NDC1: variants seen among roughly 807,000 people sequenced by gnomAD.
The protein encoded by NDC1 is NDC1 transmembrane nucleoporin.
A neutral mutation model predicts 89.8 loss-of-function variants in NDC1; 24 were observed. That is an observed-to-expected ratio of 0.27 (90% confidence interval 0.19 to 0.38). The LOEUF is 0.38. Among genes scored for constraint, NDC1 ranks in the 10% least tolerant of loss-of-function variants. NDC1 has a pLI of 1.00. For synonymous variants in NDC1, 296 were observed against 284.8 expected (o/e 1.04, Z -0.39); for missense variants, 728 against 797.6 (o/e 0.91, Z 1.05).
At chr1:53,792,080 C>A (rs1280163210) in intron 14 of NDC1, among the ~76,000 whole-genome samples, 1 of 151,804 alleles carries the variant, frequency 6.6e-6, no homozygotes, top group Non-Finnish European at 1.5e-5. Flanking sequence ...GTAGCTGGGA[C>A]CACAGGCGCC....
At chr1:53,822,062 T>C (rs1648685297) in intron 5 of NDC1, among the ~76,000 whole-genome samples, 1 of 152,214 alleles carries the variant, frequency 6.6e-6, no homozygotes, top group East Asian at 1.9e-4. Flanking sequence ...GAACAAAGAA[T>C]CTGATAAAGG....
chr1:53,774,865 T>C (rs1647148861), intron 16 of NDC1, among the ~76,000 whole-genome samples: 1 of 152,130 alleles, frequency 6.6e-6, no homozygotes, highest in East Asian at 1.9e-4. Flanking sequence ...TACTCGAGCC[T>C]GGGCAACAGC....
chr1:53,804,920 A>G (rs1171137887), intron 9 of NDC1, among the ~76,000 whole-genome samples: 1 of 152,102 alleles, frequency 6.6e-6, no homozygotes, highest in Non-Finnish European at 1.5e-5. Context: ...TATTTGCCAC[A>G]GTACATTTTA....
At chr1:53,783,672 C>T (rs1318878501) in intron 16 of NDC1, among the ~76,000 whole-genome samples, 1 of 152,130 alleles carries the variant, frequency 6.6e-6, no homozygotes, top group Non-Finnish European at 1.5e-5. Context: ...AGGAGGACTC[C>T]ACTCTCAATA....
intron 6 of NDC1, among the ~76,000 whole-genome samples, chr1:53,815,718 G>GA (rs541898910): frequency 1.3e-3 from 203 of 152,264 alleles, no homozygotes; most frequent in African/African-American, 4.5e-3. Context: ...GGCTCCTCCA[G>GA]AAAGTTCCTA....
chr1:53,807,641 T>C lies in NDC1; in HGVS notation c.891+15A>G. 3.8e-6 allele frequency: 6 copies of C among 1,586,628 alleles called. No individual in the cohort carries two copies. The highest frequency in any genetic ancestry group is 5.1e-6 in the Non-Finnish European group (6 of 1,171,928). The stretch of plus-strand genomic sequence containing the variant: ...AACACAAAAGTATTAAGAAAAAATA[T>C]TTTAAAAAACATACCTCTGTGGCAT... On this transcript the variant is annotated intron_variant, in intron 8 of 17. Transcript: ENST00000371429.
intron 14 of NDC1, among the ~76,000 whole-genome samples, chr1:53,790,315 A>G (rs1647449543): frequency 6.6e-6 from 1 of 151,150 alleles, no homozygotes; most frequent in Admixed American, 6.6e-5. Context: ...TAATGAGCTG[A>G]GATCACGCCA....
chr1:53,799,085 T>C (rs1052893024), intron 11 of NDC1, among the ~76,000 whole-genome samples: 1 of 152,242 alleles, frequency 6.6e-6, no homozygotes, highest in African/African-American at 2.4e-5. Context: ...GCTAATTTGA[T>C]GGAACTAGCC....
At position 53,772,360 on chromosome 1, in the gene NDC1, G is replaced by C. The variant is rs759826117; in HGVS notation, c.1930C>G (p.Arg644Gly). Residue 644 changes from arginine (R) to glycine (G), a missense_variant, in exon 17 of 18, where the codon CGA becomes GGA. Arg to Gly is a moderately radical substitution (Grantham distance 125). Coordinates refer to ENST00000371429, the MANE Select transcript of NDC1 (RefSeq NM_018087.5). ...TGTTCACCAAATGTAGTAGTTATTC[G>C]ATAGATGGCAGTTTTCAGTGATGCT... ...FRASLKTAIY[R>G]ITTTFGEHLN... 1.2e-6 allele frequency: 2 copies of C among 1,613,500 alleles called. No homozygotes were observed. Among genetic ancestry groups the C allele is most frequent in the Non-Finnish European group, 1.7e-6 (2 of 1,179,692 alleles).
Position 53,797,195 on chromosome 1 carries a change from T to G in NDC1, c.1223-51A>C, listed in dbSNP as rs368240514. 12 of 1,580,268 alleles carry G rather than the reference T, an allele frequency of 7.6e-6. No homozygotes were observed. In the African/African-American group the frequency reaches 1.6e-4, roughly 21 times the overall value. ...AAGAGGCAACCTGATCCAAGCAGGC[T>G]AGCAGCAACGCTTTCAAATTCTACA... On this transcript the variant is annotated intron_variant, in intron 11 of 17. Coordinates refer to ENST00000371429, the MANE Select transcript of NDC1 (RefSeq NM_018087.5).
rs748623582 is a variant in NDC1, at chr1:53,835,492, T to TA, written c.178+7_178+8insT. Reference sequence around the variant, plus strand: ...TATAACTTTCTCCCCAAGTTGAGTATCACCTACCAGACAGCCACTGTATAG... The same window carrying TA: ...TATAACTTTCTCCCCAAGTTGAGTATACACCTACCAGACAGCCACTGTATAG... On this transcript the variant is annotated splice_region_variant and intron_variant, in intron 2 of 17. Transcript: ENST00000371429. The TA allele has an allele frequency of 6.2e-7, 1 of 1,600,204 alleles. No homozygotes were observed. The highest frequency in any genetic ancestry group is 8.5e-7 in the Non-Finnish European group (1 of 1,175,856).
intron 9 of NDC1, among the ~76,000 whole-genome samples, chr1:53,805,940 A>G (rs1264115386): frequency 6.6e-6 from 1 of 152,150 alleles, no homozygotes; most frequent in African/African-American, 2.4e-5. Context: ...CGGGCGTGGT[A>G]GCGGGCGCCT....
chr1:53,817,210 T>C (rs1648512350), intron 6 of NDC1, among the ~76,000 whole-genome samples: 1 of 152,158 alleles, frequency 6.6e-6, no homozygotes, highest in Non-Finnish European at 1.5e-5. Flanking sequence ...AGCAGCACAA[T>C]TCACAATAGC....
In NDC1 at chr1:53,767,906, G is replaced by T. The variant is rs1231434892; in HGVS notation, c.*64C>A. On this transcript the variant is annotated 3_prime_UTR_variant, in exon 18 of 18. Coordinates refer to ENST00000371429, the MANE Select transcript of NDC1 (RefSeq NM_018087.5). Reference sequence around the variant, plus strand: ...CGTTTTCTTCTGATCCAAGAATGCTGAACATTTACTGTCCCATCTGTAGTT... The same window carrying T: ...CGTTTTCTTCTGATCCAAGAATGCTTAACATTTACTGTCCCATCTGTAGTT... 3.9e-6 allele frequency: 4 copies of T among 1,016,398 alleles called. No homozygotes were observed. The East Asian group carries it at 7.9e-5, about 20-fold the overall frequency. 63.0% of individuals were successfully genotyped at this position (1,016,398 alleles called of 1,614,324 possible).
chr1:53,806,626 T>A, intron 8 of NDC1, 109 bp from the exon 9 acceptor site: 1 of 571,572 alleles, frequency 1.7e-6, no homozygotes, highest in Non-Finnish European at 2.7e-6. Flanking sequence ...CTGACATCTT[T>A]CGTGCTCCTT....
chr1:53,807,919 G>A (rs949989950), intron 7 of NDC1, 128 bp from the exon 8 acceptor site: 13 of 842,990 alleles, frequency 1.5e-5, no homozygotes, highest in African/African-American at 7.0e-5. Context: ...CCTCTCCTTC[G>A]ATATCTTTAT....
intron 14 of NDC1, among the ~76,000 whole-genome samples, chr1:53,791,472 A>G (rs1244658731): frequency 6.6e-6 from 1 of 151,860 alleles, no homozygotes; most frequent in Non-Finnish European, 1.5e-5. Flanking sequence ...GTCCAATTCT[A>G]TCCATGTTGC....
chr1:53,830,158 A>C (rs1649006934), intron 3 of NDC1, among the ~76,000 whole-genome samples: 1 of 151,644 alleles, frequency 6.6e-6, no homozygotes, highest in Non-Finnish European at 1.5e-5. Flanking sequence ...CTCAAAAAAA[A>C]AGAAAGAAAG....
chr1:53,835,275 T>A (rs1402622158), intron 2 of NDC1, among the ~76,000 whole-genome samples: 5 of 152,232 alleles, frequency 3.3e-5, no homozygotes, highest in Admixed American at 3.3e-4. Flanking sequence ...TAATGATCTT[T>A]TCGTTCCTAT....
Sources: gnomAD v4.1 joint callset for allele counts (sites outside exome capture counted in the v4.1 genomes callset) on GRCh38, gnomAD v4.1.1 for gene constraint, MANE v1.5 for transcripts, NCBI Gene and HGNC (gene_info 2026-07-23, HGNC 2026-07-21) for gene names.